COMMD10: variants seen among roughly 807,000 people sequenced by gnomAD.
COMMD10 encodes COMM domain containing 10, also known as COMM domain-containing protein 10.
A neutral mutation model predicts 28.9 loss-of-function variants in COMMD10; 33 were observed. That is an observed-to-expected ratio of 1.14 (90% CI 0.87 to 1.53). The LOEUF (loss-of-function observed/expected upper bound fraction) is 1.53. Ranked by LOEUF, COMMD10 falls within the 40% of genes most tolerant of loss-of-function variation. The pLI, the probability that COMMD10 is intolerant of heterozygous loss-of-function variation, is 0.00. For synonymous variants in COMMD10, 110 were observed against 81.7 expected (o/e 1.35, Z -1.87); for missense variants, 310 against 233.4 (o/e 1.33, Z -2.14).
intron 5 of COMMD10, among the ~76,000 whole-genome samples, chr5:116,147,232 T>C (rs1752381342): frequency 6.6e-6 from 1 of 151,864 alleles, no homozygotes; most frequent in Admixed American, 6.6e-5. Context: ...TATCATATGC[T>C]GGAGATTGAT....
intron 5 of COMMD10, among the ~76,000 whole-genome samples, chr5:116,173,198 A>G (rs187361956): frequency 8.3e-4 from 126 of 152,232 alleles, no homozygotes; most frequent in African/African-American, 2.9e-3. Flanking sequence ...TAGTTTACAA[A>G]TGAAAAAAAT....
In COMMD10 at chr5:116,092,604, T is replaced by C; in HGVS notation, c.303T>C (p.Leu101=). Residue 101 remains leucine, a synonymous_variant, in exon 4 of 7, where the codon CTT becomes CTC. Transcript: ENST00000274458. The part of the protein sequence containing the change: ...ALQQQLENIH[L]RQDKAEAFVN... ...AGCAGCAATTAGAGAACATTCATCT[T>C]AGACAAGACAAAGCTGAAGCATTTG... The C allele has an allele frequency of 1.2e-6, 2 of 1,612,428 alleles. No homozygotes were observed. Among genetic ancestry groups the C allele is most frequent in the African/African-American group, 1.3e-5 (1 of 75,018 alleles).
At chr5:116,265,581 A>T (rs1750562447) in intron 5 of COMMD10, among the ~76,000 whole-genome samples, 1 of 151,794 alleles carries the variant, frequency 6.6e-6, no homozygotes, top group Non-Finnish European at 1.5e-5. Context: ...CTTAAAAAAA[A>T]TTCAAGTTAA....
At chr5:116,247,110 T>A (rs1749973711) in intron 5 of COMMD10, among the ~76,000 whole-genome samples, 1 of 151,376 alleles carries the variant, frequency 6.6e-6, no homozygotes, top group Non-Finnish European at 1.5e-5. Flanking sequence ...TATACGGAAC[T>A]TAAATTTCCA....
intron 5 of COMMD10, among the ~76,000 whole-genome samples, chr5:116,244,689 A>C (rs1299437775): frequency 6.6e-5 from 10 of 150,472 alleles, no homozygotes; most frequent in Non-Finnish European, 1.5e-4. Flanking sequence ...GAAAACAGCC[A>C]TATGATTACA....
chr5:116,115,189 C>G (rs781011689), intron 4 of COMMD10, among the ~76,000 whole-genome samples: 4 of 152,132 alleles, frequency 2.6e-5, no homozygotes, highest in African/African-American at 7.2e-5. Flanking sequence ...TTTATACAGT[C>G]TCCTGGTTGC....
chr5:116,198,278 G>T (rs1748581522), intron 5 of COMMD10, among the ~76,000 whole-genome samples: 1 of 152,124 alleles, frequency 6.6e-6, no homozygotes, highest in Non-Finnish European at 1.5e-5. Flanking sequence ...ATACTATAAA[G>T]AATAGCAAAC....
intron 5 of COMMD10, among the ~76,000 whole-genome samples, chr5:116,231,287 A>T (rs1261316784): frequency 1.8e-4 from 27 of 152,188 alleles, no homozygotes; most frequent in Admixed American, 1.8e-3. Context: ...TTGATGTAGC[A>T]GTTTTTAATA....
chr5:116,192,696 G>C (rs1748401271), intron 5 of COMMD10, among the ~76,000 whole-genome samples: 1 of 152,194 alleles, frequency 6.6e-6, no homozygotes, highest in Admixed American at 6.5e-5. Context: ...AGAATAATCA[G>C]TATTACTGAG....
chr5:116,264,543 T>G (rs1169998330), intron 5 of COMMD10, among the ~76,000 whole-genome samples: 1 of 151,830 alleles, frequency 6.6e-6, no homozygotes, highest in African/African-American at 2.4e-5. Context: ...GCGAGCGCAT[T>G]AACTACAAAG....
intron 5 of COMMD10, among the ~76,000 whole-genome samples, chr5:116,286,568 C>A (rs1751225230): frequency 6.6e-6 from 1 of 151,634 alleles, no homozygotes; most frequent in Non-Finnish European, 1.5e-5. Context: ...TTTTCACTTT[C>A]ATTTGTCTTA....
intron 4 of COMMD10, 87 bp from the exon 5 acceptor site, chr5:116,133,981 C>T (rs1232529805): frequency 2.5e-6 from 2 of 786,970 alleles, no homozygotes; most frequent in Admixed American, 1.9e-5. Flanking sequence ...TATCCATATA[C>T]ATTCCTGCTG....
Position 116,139,422 on chromosome 5 carries a change from C to T in COMMD10, c.510+5244C>T, listed in dbSNP as rs1275485468. Among the ~76,000 whole-genome samples the T allele has an allele frequency of 3.3e-5, 5 of 151,700 alleles. No homozygotes were observed. In the East Asian group the frequency reaches 9.7e-4, roughly 29 times the overall value. ...GCATCAGTTAAAAAGAAAAGATGTC[C>T]TCAGATCTATTTAGGATAGATTTCT... is the stretch of plus-strand genomic sequence containing the variant. On this transcript the variant is annotated intron_variant, in intron 5 of 6. Coordinates refer to ENST00000274458, the MANE Select transcript of COMMD10 (RefSeq NM_016144.4).
At position 116,269,945 on chromosome 5, in the gene COMMD10, C is replaced by T. The variant is rs967608491; in HGVS notation, c.511-21572C>T. ...GAAACCAGGTTAATTTCACCTCTGT[C>T]ACAAATTTGAAAGGAAGGGAAAAGA... On this transcript the variant is annotated intron_variant, in intron 5 of 6. Coordinates refer to ENST00000274458, the MANE Select transcript of COMMD10 (RefSeq NM_016144.4). Among the ~76,000 whole-genome samples, 4 of 151,778 alleles carry T rather than the reference C, an allele frequency of 2.6e-5. 1 individual carries two copies. Among genetic ancestry groups the T allele is most frequent in the African/African-American group, 9.7e-5 (4 of 41,134 alleles).
chr5:116,093,527 G>A (rs180904475), intron 4 of COMMD10, among the ~76,000 whole-genome samples: 4 of 152,240 alleles, frequency 2.6e-5, no homozygotes, highest in Non-Finnish European at 5.9e-5. Context: ...CATGGGCCCC[G>A]AGACTGGCAT....
chr5:116,125,152 T>C (rs1202555807), intron 4 of COMMD10, among the ~76,000 whole-genome samples: 2 of 152,220 alleles, frequency 1.3e-5, no homozygotes, highest in African/African-American at 4.8e-5. Flanking sequence ...CTAGCATTGA[T>C]GGTCTTTACA....
chr5:116,189,256 A>G (rs1026111343), intron 5 of COMMD10, among the ~76,000 whole-genome samples: 2 of 151,986 alleles, frequency 1.3e-5, no homozygotes, highest in African/African-American at 4.8e-5. Flanking sequence ...AGACATAGCA[A>G]CAGTTTAGAA....
At chr5:116,288,112 T>C (rs1481067715) in intron 5 of COMMD10, among the ~76,000 whole-genome samples, 2 of 151,922 alleles carry the variant, frequency 1.3e-5, no homozygotes. Flanking sequence ...TTTGTATAGA[T>C]TAGCTCTAGG....
chr5:116,114,851 C>T (rs957801815), intron 4 of COMMD10, among the ~76,000 whole-genome samples: 2 of 152,062 alleles, frequency 1.3e-5, no homozygotes, highest in African/African-American at 4.8e-5. Flanking sequence ...TCACCTATCT[C>T]ATAACTCAGC....
Sources: allele counts gnomAD v4.1 joint callset (sites outside exome capture counted in the v4.1 genomes callset), GRCh38; gene constraint gnomAD v4.1.1; transcripts MANE v1.5; gene names NCBI Gene and HGNC (gene_info 2026-07-23, HGNC 2026-07-21).